MYH9: variants seen among roughly 807,000 people sequenced by gnomAD.
MYH9 encodes myosin heavy chain 9.
In MYH9, 29 loss-of-function variants were observed where a neutral mutation model predicts 241.9. That is an observed-to-expected ratio of 0.12 (90% confidence interval 0.09 to 0.16). The LOEUF (loss-of-function observed/expected upper bound fraction) is 0.16. MYH9 is among the 10% of genes least tolerant of loss of function. MYH9 has a pLI of 1.00. For missense variants in MYH9, 1,803 were observed against 2,595.5 expected, an observed-to-expected ratio of 0.69 and a Z score of 6.63; for synonymous variants, 1,047 against 1,062.6, an observed-to-expected ratio of 0.99 and a Z score of 0.29.
intron 27 of MYH9, 28 bp downstream of exon 27, chr22:36,294,904 C>G: frequency 6.2e-7 from 1 of 1,608,818 alleles, no homozygotes; most frequent in Non-Finnish European, 8.5e-7. Context: ...CCCTGCCCTC[C>G]CCCTGCGGTC....
chr22:36,347,587 T>C (rs2146391048), intron 2 of MYH9, among the ~76,000 whole-genome samples: 1 of 151,698 alleles, frequency 6.6e-6, no homozygotes, highest in East Asian at 1.9e-4. Context: ...TATTAAAAAT[T>C]AGCCAGGCGT....
chr22:36,302,957 A>T (rs1366747720), intron 19 of MYH9, among the ~76,000 whole-genome samples: 1 of 152,108 alleles, frequency 6.6e-6, no homozygotes, highest in African/African-American at 2.4e-5. Context: ...GTGTGAAGTA[A>T]CCACAGATCC....
At chr22:36,309,024 G>A (rs189236628) in intron 15 of MYH9, among the ~76,000 whole-genome samples, 39 of 152,040 alleles carry the variant, frequency 2.6e-4, no homozygotes, top group Admixed American at 8.6e-4. Context: ...TTCGAGGCTC[G>A]GGGCTGCCCT....
chr22:36,314,119 G>A, intron 13 of MYH9, 26 bp downstream of exon 13: 5 of 1,609,690 alleles, frequency 3.1e-6, no homozygotes, highest in Non-Finnish European at 4.3e-6. Flanking sequence ...AGGCAGGTGT[G>A]AGGTCAAAGC....
intron 3 of MYH9, chr22:36,328,741 T>C (rs904819511): frequency 6.6e-6 from 1 of 152,248 alleles, no homozygotes; most frequent in Non-Finnish European, 1.5e-5. Flanking sequence ...CCGTGGCTGT[T>C]GGTACAGTAT....
chr22:36,298,440 T>G (rs1251143608), intron 24 of MYH9, among the ~76,000 whole-genome samples: 1 of 152,204 alleles, frequency 6.6e-6, no homozygotes, highest in Non-Finnish European at 1.5e-5. Flanking sequence ...ACGGTACATA[T>G]GTGTTCACAT....
Position 36,306,347 on chromosome 22 carries a change from G to C in MYH9, c.2037+67C>G. On this transcript the variant is annotated intron_variant, in intron 16 of 40. Coordinates refer to ENST00000216181, the MANE Select transcript of MYH9 (RefSeq NM_002473.6). The surrounding 1 kb of genome is among the most constrained non-coding windows in gnomAD (Gnocchi z 4.1). ...GCTGGAGGGGTGCTTTTGCTGGGGA[G>C]ACAGACAAGGGCTGAGCACCCCACA... 6.3e-7 allele frequency: 1 copy of C among 1,589,646 alleles called. No individual in the cohort carries two copies. The highest frequency in any genetic ancestry group is 8.6e-7 in the Non-Finnish European group (1 of 1,163,406).
rs911530895 is a variant in MYH9 at position 36,295,115 on chromosome 22, G to A, written c.3486-39C>T. ...TCCCCTCAGAGTGGAGGCCGGGGAT[G>A]CTGGAGCGAGGCTGTCCCTGGGGCT... On this transcript the variant is annotated intron_variant, in intron 26 of 40. Coordinates refer to ENST00000216181, the MANE Select transcript of MYH9 (RefSeq NM_002473.6). The surrounding 1 kb of genome is among the most constrained non-coding windows in gnomAD (Gnocchi z 4.1). 1 of 1,613,754 alleles carries A rather than the reference G, an allele frequency of 6.2e-7. No individual in the cohort carries two copies. The highest frequency in any genetic ancestry group is 8.5e-7 in the Non-Finnish European group (1 of 1,179,956).
At position 36,320,499 on chromosome 22, in the gene MYH9, A is replaced by G; in HGVS notation, c.869-136T>C. The G allele has an allele frequency of 8.8e-7, 1 of 1,135,172 alleles. No individual in the cohort carries two copies. The highest frequency in any genetic ancestry group is 1.9e-5 in the Admixed American group (1 of 53,588). The allele number at this position is 1,135,172 out of a possible 1,614,324, so 70.3% of individuals were successfully genotyped here. A position where few individuals can be genotyped will look rare whatever the true frequency, so the allele number is the denominator to read the frequency against. On this transcript the variant is annotated intron_variant, in intron 8 of 40. Coordinates refer to ENST00000216181, the MANE Select transcript of MYH9 (RefSeq NM_002473.6). This position sits in a 1 kb window ranked among gnomAD's most constrained non-coding sequence, Gnocchi z 4.8. ...GCACCCTGGAAACCGCAGAGTAGCC[A>G]GTGACGTTCAGCTTTCCTCAGTGTC...
At chr22:36,336,441 C>T (rs1002170072) in intron 3 of MYH9, among the ~76,000 whole-genome samples, 1 of 152,252 alleles carries the variant, frequency 6.6e-6, no homozygotes, top group Non-Finnish European at 1.5e-5. Context: ...CCCCGGGACA[C>T]AGTCCCACCC....
At position 36,295,354 on chromosome 22, in the gene MYH9, C is replaced by A; in HGVS notation, c.3485+151G>T. ...CTTTCTACTCTGTAGAGAGAAACCG[C>A]TGAGGAACCAGCAGCTTCCATGCCT... is the stretch of plus-strand genomic sequence containing the variant. On this transcript the variant is annotated intron_variant, in intron 26 of 40. Coordinates refer to ENST00000216181, the MANE Select transcript of MYH9 (RefSeq NM_002473.6). This position sits in a 1 kb window ranked among gnomAD's most constrained non-coding sequence, Gnocchi z 4.1. The A allele has an allele frequency of 2.6e-6, 2 of 760,688 alleles. No homozygotes were observed. The highest frequency in any genetic ancestry group is 3.1e-5 in the South Asian group (2 of 63,720). 47.1% of individuals were successfully genotyped at this position (760,688 alleles called of 1,614,324 possible). A position where few individuals can be genotyped will look rare whatever the true frequency, so the allele number is the denominator to read the frequency against.
intron 3 of MYH9, among the ~76,000 whole-genome samples, chr22:36,328,321 T>G (rs1385545116): frequency 6.6e-6 from 1 of 152,252 alleles, no homozygotes. Flanking sequence ...GCCCACACTC[T>G]GAAAGCTAAG....
chr22:36,294,919 G>A lies in MYH9; in HGVS notation c.3630+13C>T. ...CCCTGCCCTCCCCCTGCGGTCTCAG[G>A]GAGGCTCCGCACCCGCTTCGTCTGC... On this transcript the variant is annotated intron_variant, in intron 27 of 40. Coordinates refer to ENST00000216181, the MANE Select transcript of MYH9 (RefSeq NM_002473.6). The A allele has an allele frequency of 6.2e-7, 1 of 1,611,340 alleles. No homozygotes were observed. The highest frequency in any genetic ancestry group is 8.5e-7 in the Non-Finnish European group (1 of 1,179,984).
chr22:36,341,350 G>GCA lies in MYH9; in HGVS notation c.490+18_490+19dup. 6.2e-7 allele frequency: 1 copy of GCA among 1,612,770 alleles called. No individual in the cohort carries two copies. Among genetic ancestry groups the GCA allele is most frequent in the Non-Finnish European group, 8.5e-7 (1 of 1,179,514 alleles). ...CAGGTGAAGATTCAGCCCCAGGTGG[G>GCA]CACACACTACGTCACCCACCTTGCA... On this transcript the variant is annotated intron_variant, in intron 3 of 40. Coordinates refer to ENST00000216181, the MANE Select transcript of MYH9 (RefSeq NM_002473.6).
rs1474580091 is a variant in MYH9 at position 36,306,618 on chromosome 22, C to A, written c.1844-11G>T. 2.5e-6 allele frequency: 4 copies of A among 1,609,552 alleles called. No individual in the cohort carries two copies. The African/African-American group carries it at 5.3e-5, about 21-fold the overall frequency. On this transcript the variant is annotated splice_polypyrimidine_tract_variant and intron_variant, in intron 15 of 40. Coordinates refer to ENST00000216181, the MANE Select transcript of MYH9 (RefSeq NM_002473.6). The surrounding 1 kb of genome is among the most constrained non-coding windows in gnomAD (Gnocchi z 4.1). ...CGATGATGCGGTCCACTGTGGAGAC[C>A]ACAGAGAACACGTGAGTGCCCACAC...
intron 12 of MYH9, among the ~76,000 whole-genome samples, chr22:36,315,758 T>A (rs200112387): frequency 2.3e-5 from 3 of 132,484 alleles, no homozygotes; most frequent in African/African-American, 8.1e-5. Flanking sequence ...AAAAAAAAAA[T>A]AACAAACAAA....
chr22:36,284,994 G>A (rs1449441998), intron 38 of MYH9, 127 bp downstream of exon 38: 2 of 876,390 alleles, frequency 2.3e-6, no homozygotes, highest in Non-Finnish European at 3.6e-6. Context: ...GCCCCATCAG[G>A]AGGGAGGGAA....
At chr22:36,291,426 A>C (rs1336132068) in intron 31 of MYH9, among the ~76,000 whole-genome samples, 1 of 151,798 alleles carries the variant, frequency 6.6e-6, no homozygotes, top group East Asian at 1.9e-4. Context: ...ACTCAGGGTT[A>C]AATGGATTAA....
intron 1 of MYH9, among the ~76,000 whole-genome samples, chr22:36,368,858 CGCGATA>C (rs1437499657): frequency 6.9e-6 from 1 of 145,384 alleles, no homozygotes; most frequent in Admixed American, 7.1e-5. Context: ...CTGCCCCGTC[CGCGATA>C]GAGCATCACA....
Sources: gnomAD v4.1 joint callset for allele counts (sites outside exome capture counted in the v4.1 genomes callset) on GRCh38, gnomAD v4.1.1 for gene constraint, Gnocchi (gnomAD v3.1) non-coding constraint, MANE v1.5 for transcripts, NCBI Gene and HGNC (gene_info 2026-07-23, HGNC 2026-07-21) for gene names.